Variants in BBS12 observed in about 807,000 individuals in gnomAD.
The protein encoded by BBS12 is chaperonin-containing T-complex member BBS12.
BBS12 carries 5 observed loss-of-function variants against 5.6 expected under a neutral mutation model. That is an observed-to-expected ratio of 0.89 (90% CI 0.46 to 1.86). BBS12 has a LOEUF of 1.86. BBS12 is among the 40% of genes most tolerant of loss of function. The pLI, the probability that BBS12 is intolerant of heterozygous loss-of-function variation, is 0.01. For synonymous variants in BBS12, 308 were observed against 306.8 expected (o/e 1.00, Z -0.04); for missense variants, 748 against 830.4 (o/e 0.90, Z 1.22).
chr4:122,734,879 C>T (rs1408252866), intron 1 of BBS12, among the ~76,000 whole-genome samples: 1 of 152,104 alleles, frequency 6.6e-6, no homozygotes, highest in African/African-American at 2.4e-5. Flanking sequence ...CACTTTAGAA[C>T]ATTAATCATC....
At chr4:122,738,805 C>A (rs569048018) in intron 1 of BBS12, among the ~76,000 whole-genome samples, 1 of 152,288 alleles carries the variant, frequency 6.6e-6, no homozygotes, top group Admixed American at 6.5e-5. Context: ...TGAAATACCA[C>A]TTCACATTCA....
At chr4:122,716,722 TATATACACACACAC>T in the BBS12 span, among the ~76,000 whole-genome samples, 4 of 120,622 alleles carry the variant, frequency 3.3e-5, no homozygotes, top group African/African-American at 1.5e-4. Flanking sequence ...CATATGTGTG[TATATACACACACAC>T]GTGTGTGTGT....
chr4:122,717,582 C>G, the BBS12 span, among the ~76,000 whole-genome samples: 190 of 152,208 alleles, frequency 1.2e-3, 2 homozygotes, highest in African/African-American at 4.4e-3. Flanking sequence ...CAGGCTGGAG[C>G]GCAGTGGCGT....
the BBS12 span, among the ~76,000 whole-genome samples, chr4:122,715,049 G>T: frequency 2.0e-5 from 3 of 151,722 alleles, no homozygotes; most frequent in African/African-American, 7.3e-5. Context: ...AGACTTGAAG[G>T]AGAATGACAA....
chr4:122,732,686 TTCTC>T (rs2150731027), upstream of BBS12: 1 of 152,572 alleles, frequency 6.6e-6, no homozygotes, highest in East Asian at 1.9e-4. Flanking sequence ...TAAGCGGAAC[TTCTC>T]TCTCCAGCTG....
the BBS12 span, among the ~76,000 whole-genome samples, chr4:122,703,872 CAG>C: frequency 3.3e-5 from 5 of 152,096 alleles, no homozygotes; most frequent in Admixed American, 3.3e-4. Context: ...TTTATTGAGA[CAG>C]AGTCATACTC....
chr4:122,726,582 A>G, the BBS12 span, among the ~76,000 whole-genome samples: 1 of 152,210 alleles, frequency 6.6e-6, no homozygotes, highest in Non-Finnish European at 1.5e-5. Context: ...TTCCCAGAGG[A>G]AAAGAAGTCA....
chr4:122,738,660 A>T (rs1184967388), intron 1 of BBS12, among the ~76,000 whole-genome samples: 1 of 152,254 alleles, frequency 6.6e-6, no homozygotes, highest in African/African-American at 2.4e-5. Flanking sequence ...CTTACAACTT[A>T]CCAAAAAAAG....
At chr4:122,704,902 C>T in the BBS12 span, among the ~76,000 whole-genome samples, 4 of 152,182 alleles carry the variant, frequency 2.6e-5, no homozygotes, top group African/African-American at 9.7e-5. Flanking sequence ...TTCAGTGAAC[C>T]TTGCAATTCT....
the BBS12 span, among the ~76,000 whole-genome samples, chr4:122,701,474 A>G: frequency 6.6e-6 from 1 of 152,234 alleles, no homozygotes; most frequent in Non-Finnish European, 1.5e-5. Flanking sequence ...ACATGTACAC[A>G]TTTATGTCTG....
At chr4:122,726,846 C>G in the BBS12 span, among the ~76,000 whole-genome samples, 1 of 152,122 alleles carries the variant, frequency 6.6e-6, no homozygotes, top group African/African-American at 2.4e-5. Flanking sequence ...AGTGAAGTAA[C>G]TCAGGAATAG....
At chr4:122,730,702 C>CA (rs943955270), upstream of BBS12, 2 of 151,984 alleles carry the variant, frequency 1.3e-5, no homozygotes, top group African/African-American at 4.8e-5. Context: ...AACACATATT[C>CA]AAAACCAAAT....
At chr4:122,733,425 A>ACACACACC (rs1560702542) in intron 1 of BBS12, among the ~76,000 whole-genome samples, 1 of 117,748 alleles carries the variant, frequency 8.5e-6, no homozygotes, top group Non-Finnish European at 1.8e-5. Flanking sequence ...ACACACACAC[A>ACACACACC]TCCAGCCATT....
the BBS12 span, among the ~76,000 whole-genome samples, chr4:122,718,712 GTGAAA>G: frequency 0.073 from 10,653 of 146,240 alleles, 617 homozygotes; most frequent in Admixed American, 0.17. Context: ...GGGATTCGAT[GTGAAA>G]TGAAATGAAA....
At chr4:122,703,203 T>C in the BBS12 span, among the ~76,000 whole-genome samples, 2 of 152,172 alleles carry the variant, frequency 1.3e-5, no homozygotes, top group South Asian at 4.1e-4. Flanking sequence ...CTTTCCTAAG[T>C]GGGCAGAATT....
the BBS12 span, among the ~76,000 whole-genome samples, chr4:122,705,250 G>A: frequency 0.01 from 1,556 of 152,298 alleles, 29 homozygotes; most frequent in African/African-American, 0.036. Flanking sequence ...CCTCAGACAC[G>A]TGAGTCATAT....
the BBS12 span, among the ~76,000 whole-genome samples, chr4:122,713,789 T>C: frequency 1.3e-5 from 2 of 152,210 alleles, no homozygotes; most frequent in Non-Finnish European, 2.9e-5. Context: ...ACTTGCCAGA[T>C]ATTAGTGCAA....
At chr4:122,725,276 A>G in the BBS12 span, among the ~76,000 whole-genome samples, 1 of 152,212 alleles carries the variant, frequency 6.6e-6, no homozygotes, top group African/African-American at 2.4e-5. Context: ...TAAGATTCAT[A>G]TGGAACCACA....
At chr4:122,711,725 G>A in the BBS12 span, among the ~76,000 whole-genome samples, 1 of 152,184 alleles carries the variant, frequency 6.6e-6, no homozygotes, top group East Asian at 1.9e-4. Flanking sequence ...TAGTCAAAAC[G>A]ATTACCTTGC....
Sources: allele counts gnomAD v4.1 joint callset (sites outside exome capture counted in the v4.1 genomes callset), GRCh38; gene constraint gnomAD v4.1.1; transcripts MANE v1.5; gene names NCBI Gene and HGNC (gene_info 2026-07-23, HGNC 2026-07-21).